EXOC4: variants seen among roughly 807,000 people sequenced by gnomAD.
EXOC4 encodes the protein exocyst complex component 4.
In EXOC4, 71 loss-of-function variants were observed where a neutral mutation model predicts 107.2. The ratio of observed to expected loss-of-function variants is 0.66; its 90% confidence interval spans 0.55 to 0.81. The LOEUF is 0.81. Ranked by LOEUF, EXOC4 falls within the 30% of genes least tolerant of loss-of-function variation. EXOC4 has a pLI of 0.00. For synonymous variants in EXOC4, 456 were observed against 441.2 expected, an observed-to-expected ratio of 1.03 and a Z score of -0.42; for missense variants, 1,108 against 1,189.6, an observed-to-expected ratio of 0.93 and a Z score of 1.01.
intron 14 of EXOC4, among the ~76,000 whole-genome samples, chr7:133,964,163 G>C (rs1027097198): frequency 5.9e-5 from 9 of 152,108 alleles, no homozygotes; most frequent in African/African-American, 2.2e-4. Context: ...GGGGAAGAAA[G>C]TAAACCCCAA....
intron 11 of EXOC4, among the ~76,000 whole-genome samples, chr7:133,862,520 G>C (rs1798556856): frequency 6.6e-6 from 1 of 152,048 alleles, no homozygotes; most frequent in Non-Finnish European, 1.5e-5. Flanking sequence ...ATTCCCAGAG[G>C]CTTCATTAAT....
intron 17 of EXOC4, among the ~76,000 whole-genome samples, chr7:134,046,074 G>A (rs1042970529): frequency 5.3e-5 from 8 of 151,964 alleles, no homozygotes; most frequent in Non-Finnish European, 8.8e-5. Context: ...TGTTTATATC[G>A]AAGTATGGCA....
At chr7:133,585,801 C>A (rs527931636) in intron 9 of EXOC4, among the ~76,000 whole-genome samples, 1 of 152,250 alleles carries the variant, frequency 6.6e-6, no homozygotes, top group Non-Finnish European at 1.5e-5. Flanking sequence ...TCAAGTGATT[C>A]TTCTGCCTCT....
chr7:134,079,946 G>A, the EXOC4 span, among the ~76,000 whole-genome samples: 1 of 152,092 alleles, frequency 6.6e-6, no homozygotes, highest in Non-Finnish European at 1.5e-5. Flanking sequence ...CCTCTCCAAG[G>A]ATACAGAGCC....
At chr7:133,766,843 G>A (rs1796147879) in intron 10 of EXOC4, among the ~76,000 whole-genome samples, 2 of 151,936 alleles carry the variant, frequency 1.3e-5, no homozygotes, top group African/African-American at 2.4e-5. Context: ...ATATGTGTAA[G>A]CTTTTTCAGG....
At chr7:133,589,656 TG>T (rs1801493304) in intron 9 of EXOC4, among the ~76,000 whole-genome samples, 1 of 152,178 alleles carries the variant, frequency 6.6e-6, no homozygotes, top group Non-Finnish European at 1.5e-5. Context: ...CTGAACCAGA[TG>T]GGATGTCTAC....
At chr7:133,778,501 T>A (rs997623993) in intron 10 of EXOC4, among the ~76,000 whole-genome samples, 19 of 152,152 alleles carry the variant, frequency 1.2e-4, no homozygotes, top group African/African-American at 4.3e-4. Flanking sequence ...GGAGGATGGC[T>A]TGGGCCCAGG....
chr7:133,759,677 T>C (rs1795993971), intron 10 of EXOC4, among the ~76,000 whole-genome samples: 1 of 152,182 alleles, frequency 6.6e-6, no homozygotes, highest in Non-Finnish European at 1.5e-5. Context: ...GAATCATGAA[T>C]TGACTCCTTT....
chr7:133,464,451 G>A (rs1273073465), intron 7 of EXOC4, among the ~76,000 whole-genome samples: 1 of 152,134 alleles, frequency 6.6e-6, no homozygotes, highest in African/African-American at 2.4e-5. Flanking sequence ...TATTTTAAAG[G>A]AGTTCTCCAA....
rs569073190 is a variant in EXOC4 at position 133,636,377 on chromosome 7, A to G, written c.1514+6236A>G. Among the ~76,000 whole-genome samples, 36 of 152,334 alleles carry G rather than the reference A, an allele frequency of 2.4e-4. No individual in the cohort carries two copies. In the South Asian group the frequency reaches 2.9e-3, roughly 12 times the overall value. ...GATTCTGTGACTGGGCAGTGCTTTT[A>G]TAATATTTAGGGAATCTGAAGGCCT... On this transcript the variant is annotated intron_variant, in intron 10 of 17. Coordinates refer to ENST00000253861, the MANE Select transcript of EXOC4 (RefSeq NM_021807.4).
chr7:133,583,014 A>T (rs1227425788), intron 9 of EXOC4, among the ~76,000 whole-genome samples: 1 of 152,250 alleles, frequency 6.6e-6, no homozygotes, highest in Admixed American at 6.5e-5. Context: ...TTCACATGCC[A>T]TGCATGCTTC....
At chr7:133,920,260 A>T (rs575116980) in intron 13 of EXOC4, among the ~76,000 whole-genome samples, 1 of 152,138 alleles carries the variant, frequency 6.6e-6, no homozygotes, top group Non-Finnish European at 1.5e-5. Flanking sequence ...TAAGAGTTAT[A>T]TGTATATTTT....
At chr7:133,301,761 TACTC>T (rs372542972) in intron 3 of EXOC4, among the ~76,000 whole-genome samples, 28 of 152,234 alleles carry the variant, frequency 1.8e-4, no homozygotes, top group Non-Finnish European at 2.8e-4. Context: ...TTGTGTGTCT[TACTC>T]ACCTCAACTA....
intron 9 of EXOC4, among the ~76,000 whole-genome samples, chr7:133,509,277 A>G (rs1799722162): frequency 6.6e-6 from 1 of 151,990 alleles, no homozygotes; most frequent in South Asian, 2.1e-4. Flanking sequence ...AAATACAAAA[A>G]ATTAGCCGGG....
intron 14 of EXOC4, among the ~76,000 whole-genome samples, chr7:133,969,472 G>C (rs1487985527): frequency 8.5e-5 from 13 of 152,240 alleles, no homozygotes; most frequent in East Asian, 1.9e-4. Flanking sequence ...CCTCATCTTC[G>C]TGGATTTATC....
chr7:133,869,752 A>G (rs1027235587), intron 11 of EXOC4, among the ~76,000 whole-genome samples: 8 of 152,192 alleles, frequency 5.3e-5, no homozygotes, highest in African/African-American at 1.9e-4. Context: ...GAACAGAAAC[A>G]CAGTGTTCAA....
At chr7:133,773,464 T>TTTA (rs141227227) in intron 10 of EXOC4, among the ~76,000 whole-genome samples, 15,777 of 149,246 alleles carry the variant, frequency 0.11, 962 homozygotes, top group African/African-American at 0.16. Flanking sequence ...TTACTAGGTT[T>TTTA]TTATTATTAT....
chr7:133,439,349 T>A (rs1023354401), intron 7 of EXOC4, among the ~76,000 whole-genome samples: 2 of 151,832 alleles, frequency 1.3e-5, no homozygotes, highest in Non-Finnish European at 2.9e-5. Flanking sequence ...CACGCCCAGC[T>A]AATTTTTGTA....
chr7:133,606,576 G>A (rs1025185945), intron 9 of EXOC4, among the ~76,000 whole-genome samples: 35 of 150,424 alleles, frequency 2.3e-4, no homozygotes, highest in African/African-American at 8.1e-4. Flanking sequence ...GTGCAGTGGT[G>A]CATTCTCGGC....
Sources: gnomAD v4.1 joint callset for allele counts (sites outside exome capture counted in the v4.1 genomes callset) on GRCh38, gnomAD v4.1.1 for gene constraint, MANE v1.5 for transcripts, NCBI Gene and HGNC (gene_info 2026-07-23, HGNC 2026-07-21) for gene names.